The following GLI2 variants were observed in gnomAD, a reference collection of about 807,000 sequenced individuals.
GLI2 encodes the protein GLI family zinc finger 2.
A neutral mutation model predicts 78.9 loss-of-function variants in GLI2; 22 were observed. That is an observed-to-expected ratio of 0.28 (90% confidence interval 0.20 to 0.40). GLI2 has a LOEUF of 0.40. Ranked by LOEUF, GLI2 falls within the 10% of genes least tolerant of loss-of-function variation. The probability of loss-of-function intolerance (pLI) is 1.00; values close to 1 mark genes in which losing one functional copy is unlikely to be tolerated. For missense variants in GLI2, 2,097 were observed against 2,213.2 expected (o/e 0.95, Z 1.05); for synonymous variants, 974 against 963.7 (o/e 1.01, Z -0.20).
chr2:120,916,528 G>A lies in GLI2; in HGVS notation c.149-10833G>A, dbSNP rs529355796. ...AGGCCACTTGGGCAGTTTGTGCTGCGTGGGCCTCGCTGAATCCCGCAGGGT... is the reference window on the plus strand; with the variant it reads ...AGGCCACTTGGGCAGTTTGTGCTGCATGGGCCTCGCTGAATCCCGCAGGGT... On this transcript the variant is annotated intron_variant, in intron 2 of 13. Transcript: ENST00000361492. Among the ~76,000 whole-genome samples the A allele has an allele frequency of 5.3e-5, 8 of 152,370 alleles. No homozygotes were observed. In the South Asian group the frequency reaches 8.3e-4, roughly 16 times the overall value.
intron 2 of GLI2, among the ~76,000 whole-genome samples, chr2:120,915,773 C>T (rs1319776971): frequency 6.6e-6 from 1 of 152,156 alleles, no homozygotes; most frequent in African/African-American, 2.4e-5. Flanking sequence ...CCCTGGTGTG[C>T]ACTTTCATTC....
intron 2 of GLI2, among the ~76,000 whole-genome samples, chr2:120,924,100 G>A (rs1307263569): frequency 3.3e-5 from 5 of 152,204 alleles, no homozygotes; most frequent in Non-Finnish European, 7.3e-5. Flanking sequence ...AGCCTCTGGA[G>A]GAGCAAGACC....
chr2:120,736,917 G>A (rs1335162942), intron 1 of GLI2, among the ~76,000 whole-genome samples: 2 of 147,332 alleles, frequency 1.4e-5, no homozygotes, highest in Non-Finnish European at 3.0e-5. Context: ...CCTGCCCTCG[G>A]CCCTGAGATC....
At chr2:120,901,907 C>T (rs931997310) in intron 2 of GLI2, among the ~76,000 whole-genome samples, 2 of 152,144 alleles carry the variant, frequency 1.3e-5, no homozygotes, top group Non-Finnish European at 1.5e-5. Context: ...CATTTTTAAA[C>T]ATATACTTGT....
intron 2 of GLI2, among the ~76,000 whole-genome samples, chr2:120,855,081 G>T (rs777472774): frequency 2.0e-5 from 3 of 152,210 alleles, no homozygotes; most frequent in Non-Finnish European, 4.4e-5. Context: ...GTTTATTTGG[G>T]CAGGAATAAT....
intron 3 of GLI2, among the ~76,000 whole-genome samples, chr2:120,942,826 CCTCA>C (rs565153832): frequency 6.9e-6 from 1 of 144,630 alleles, no homozygotes; most frequent in Non-Finnish European, 1.5e-5. Context: ...TCGTTCACGC[CCTCA>C]CTCATTCATT....
At chr2:120,949,466 AGGCAGAGCCTGGGAACCT>A (rs150162497) in intron 3 of GLI2, among the ~76,000 whole-genome samples, 3,349 of 152,300 alleles carry the variant, frequency 0.022, 128 homozygotes, top group African/African-American at 0.077. Flanking sequence ...CCCTGCTCCC[AGGCAGAGCCTGGGAACCT>A]GGCAGATGCA....
intron 6 of GLI2, among the ~76,000 whole-genome samples, chr2:120,970,144 C>T (rs1212968724): frequency 6.6e-6 from 1 of 152,176 alleles, no homozygotes; most frequent in Non-Finnish European, 1.5e-5. Flanking sequence ...AGCCTGGTCC[C>T]TGCTGGGAGC....
intron 4 of GLI2, among the ~76,000 whole-genome samples, chr2:120,953,230 C>T (rs1331555362): frequency 2.0e-5 from 3 of 152,220 alleles, no homozygotes; most frequent in Non-Finnish European, 2.9e-5. Context: ...AGAAGGCAGA[C>T]ACATTCATGC....
intron 3 of GLI2, among the ~76,000 whole-genome samples, chr2:120,945,425 C>A (rs141844584): frequency 1.8e-4 from 27 of 152,316 alleles, no homozygotes; most frequent in Non-Finnish European, 2.6e-4. Context: ...CCACTGTGGG[C>A]AGGATGTCCA....
intron 2 of GLI2, among the ~76,000 whole-genome samples, chr2:120,881,429 G>A (rs1419869764): frequency 1.3e-5 from 2 of 150,448 alleles, no homozygotes; most frequent in Non-Finnish European, 3.0e-5. Flanking sequence ...GACAGGTAGG[G>A]GAGGGCAGGA....
intron 2 of GLI2, among the ~76,000 whole-genome samples, chr2:120,909,790 G>A (rs1023757972): frequency 4.6e-5 from 7 of 152,188 alleles, no homozygotes; most frequent in South Asian, 2.1e-4. Context: ...GCATGAACCC[G>A]GGAGGCGGAG....
intron 1 of GLI2, among the ~76,000 whole-genome samples, chr2:120,751,754 C>G (rs1682880240): frequency 6.6e-6 from 1 of 152,184 alleles, no homozygotes; most frequent in South Asian, 2.1e-4. Flanking sequence ...TCATAGCACA[C>G]ATATTGTTTT....
intron 5 of GLI2, among the ~76,000 whole-genome samples, chr2:120,962,394 G>A (rs1681612088): frequency 6.6e-6 from 1 of 152,230 alleles, no homozygotes; most frequent in Non-Finnish European, 1.5e-5. Flanking sequence ...TGAGGACAGG[G>A]TCAGAGGCTT....
intron 2 of GLI2, among the ~76,000 whole-genome samples, chr2:120,919,075 A>G (rs1361595137): frequency 2.0e-5 from 3 of 152,208 alleles, no homozygotes; most frequent in Non-Finnish European, 4.4e-5. Context: ...TTTGCCAAAG[A>G]TATTGGTGTA....
intron 1 of GLI2, among the ~76,000 whole-genome samples, chr2:120,795,604 C>T (rs530173500): frequency 2.6e-5 from 4 of 152,064 alleles, no homozygotes; most frequent in East Asian, 1.9e-4. Context: ...CTGAGGGCCC[C>T]GGGAGTGGAG....
At chr2:120,749,585 C>T (rs1682804101) in intron 1 of GLI2, among the ~76,000 whole-genome samples, 1 of 152,200 alleles carries the variant, frequency 6.6e-6, no homozygotes, top group Non-Finnish European at 1.5e-5. Flanking sequence ...GGCCATTGTG[C>T]CTCTCTGGGT....
At chr2:120,909,852 G>A (rs947337948) in intron 2 of GLI2, among the ~76,000 whole-genome samples, 3 of 152,240 alleles carry the variant, frequency 2.0e-5, no homozygotes, top group African/African-American at 7.2e-5. Context: ...GCGACAGAGT[G>A]AGACTCCGTC....
intron 2 of GLI2, among the ~76,000 whole-genome samples, chr2:120,867,958 A>C (rs970146677): frequency 3.9e-5 from 6 of 152,164 alleles, no homozygotes; most frequent in African/African-American, 1.4e-4. Flanking sequence ...GACCCAGGCG[A>C]GCGTGCCAGG....
Sources: gnomAD v4.1 joint callset for allele counts (sites outside exome capture counted in the v4.1 genomes callset) on GRCh38, gnomAD v4.1.1 for gene constraint, MANE v1.5 for transcripts, NCBI Gene and HGNC (gene_info 2026-07-23, HGNC 2026-07-21) for gene names.